SNTG1: variants seen among roughly 807,000 people sequenced by gnomAD.
SNTG1 encodes syntrophin gamma 1.
Under a neutral mutation model 74.7 loss-of-function variants are expected in SNTG1, and 39 were observed. That is an observed-to-expected ratio of 0.52 (90% confidence interval 0.40 to 0.68). The LOEUF is 0.68. SNTG1 is among the 30% of genes least tolerant of loss of function. SNTG1 has a pLI of 0.00. For missense variants in SNTG1, 685 were observed against 609.5 expected (o/e 1.12, Z -1.30); for synonymous variants, 254 against 217.1 (o/e 1.17, Z -1.49).
At chr8:50,053,734 A>G (rs1819784405) in intron 1 of SNTG1, among the ~76,000 whole-genome samples, 1 of 150,772 alleles carries the variant, frequency 6.6e-6, no homozygotes, top group Admixed American at 6.6e-5. Flanking sequence ...TAACACATGA[A>G]CTTGTTCAAT....
intron 13 of SNTG1, among the ~76,000 whole-genome samples, chr8:50,598,547 G>C (rs911796521): frequency 1.3e-5 from 2 of 151,762 alleles, no homozygotes; most frequent in Non-Finnish European, 2.9e-5. Flanking sequence ...GTTCAAGATG[G>C]CTTTGACTAC....
At chr8:50,261,973 T>C (rs1203325795) in intron 2 of SNTG1, among the ~76,000 whole-genome samples, 2 of 152,242 alleles carry the variant, frequency 1.3e-5, no homozygotes, top group Non-Finnish European at 2.9e-5. Flanking sequence ...TATTAAAATA[T>C]AGAGAATTTG....
chr8:49,994,421 ATT>A (rs35821274), intron 1 of SNTG1, among the ~76,000 whole-genome samples: 2 of 135,112 alleles, frequency 1.5e-5, no homozygotes, highest in Non-Finnish European at 3.1e-5. Flanking sequence ...ATGCCCGGCT[ATT>A]TTTTTTTTTT....
chr8:50,025,470 C>A (rs1469642002), intron 1 of SNTG1, among the ~76,000 whole-genome samples: 4 of 152,042 alleles, frequency 2.6e-5, no homozygotes, highest in Admixed American at 6.6e-5. Flanking sequence ...GATGTGATAG[C>A]CACCAGGCAA....
At chr8:49,954,124 G>A (rs1809960750) in intron 1 of SNTG1, among the ~76,000 whole-genome samples, 2 of 152,170 alleles carry the variant, frequency 1.3e-5, no homozygotes, top group Non-Finnish European at 2.9e-5. Flanking sequence ...TAGTCACTTA[G>A]CATCTATTTT....
At chr8:50,619,731 GAAAA>G (rs780234473) in intron 13 of SNTG1, among the ~76,000 whole-genome samples, 1 of 63,850 alleles carries the variant, frequency 1.6e-5, no homozygotes, top group Non-Finnish European at 3.2e-5. Flanking sequence ...ACTCCGTCTC[GAAAA>G]AAAAAAAAAA....
At chr8:50,597,330 CAT>C (rs529278432) in intron 13 of SNTG1, among the ~76,000 whole-genome samples, 5 of 146,308 alleles carry the variant, frequency 3.4e-5, no homozygotes, top group East Asian at 4.0e-4. Context: ...TATATATACA[CAT>C]ATATATACAT....
intron 18 of SNTG1, among the ~76,000 whole-genome samples, chr8:50,757,693 T>C (rs1415099372): frequency 1.3e-5 from 2 of 151,968 alleles, no homozygotes; most frequent in Non-Finnish European, 2.9e-5. Flanking sequence ...TTGATACAGT[T>C]GGATGAATAT....
intron 2 of SNTG1, among the ~76,000 whole-genome samples, chr8:50,306,755 C>A (rs1162099473): frequency 6.6e-6 from 1 of 150,756 alleles, no homozygotes; most frequent in Non-Finnish European, 1.5e-5. Context: ...TTTCTGATTT[C>A]TTTGAGTTCC....
intron 1 of SNTG1, among the ~76,000 whole-genome samples, chr8:50,064,031 G>A (rs934840597): frequency 6.6e-6 from 1 of 152,138 alleles, no homozygotes; most frequent in African/African-American, 2.4e-5. Context: ...ACCTTGTCAT[G>A]ACTCTGTCTT....
intron 15 of SNTG1, among the ~76,000 whole-genome samples, chr8:50,686,066 A>G (rs891906959): frequency 1.3e-5 from 2 of 152,174 alleles, no homozygotes; most frequent in South Asian, 2.1e-4. Context: ...AAATGTTACA[A>G]TTATTAGTCA....
intron 15 of SNTG1, among the ~76,000 whole-genome samples, chr8:50,660,532 A>G (rs541561571): frequency 1.6e-5 from 2 of 122,908 alleles, no homozygotes; most frequent in African/African-American, 4.3e-5. Flanking sequence ...AGGGAGAAGG[A>G]AGGAAGGAAA....
intron 1 of SNTG1, among the ~76,000 whole-genome samples, chr8:50,134,118 CTA>C (rs1259442961): frequency 6.6e-6 from 1 of 152,102 alleles, no homozygotes; most frequent in African/African-American, 2.4e-5. Context: ...GGAACTCAAT[CTA>C]TGGTGGTGGG....
intron 2 of SNTG1, among the ~76,000 whole-genome samples, chr8:50,261,171 C>G (rs1312169611): frequency 2.0e-5 from 3 of 152,196 alleles, no homozygotes; most frequent in Non-Finnish European, 4.4e-5. Flanking sequence ...GGGTGACAAC[C>G]TTATCTGCAG....
intron 17 of SNTG1, among the ~76,000 whole-genome samples, chr8:50,715,823 G>A (rs1418104041): frequency 2.0e-5 from 3 of 152,000 alleles, no homozygotes; most frequent in Non-Finnish European, 4.4e-5. Flanking sequence ...AAAATTAGAG[G>A]ACTTAATTAT....
chr8:50,706,487 A>G (rs1451965527), intron 16 of SNTG1, among the ~76,000 whole-genome samples: 2 of 152,074 alleles, frequency 1.3e-5, no homozygotes, highest in African/African-American at 4.8e-5. Context: ...TTTGGTTCCA[A>G]TTTAGTATTT....
At chr8:50,115,567 C>CAAAAAAAAAAAAAA (rs11386539) in intron 1 of SNTG1, among the ~76,000 whole-genome samples, 1 of 40,520 alleles carries the variant, frequency 2.5e-5, no homozygotes, top group African/African-American at 6.7e-5. Flanking sequence ...GACTCTGTCT[C>CAAAAAAAAAAAAAA]AAAAAAAAAA....
chr8:50,206,763 T>A (rs1022643215), intron 2 of SNTG1, among the ~76,000 whole-genome samples: 30 of 151,678 alleles, frequency 2.0e-4, no homozygotes, highest in Non-Finnish European at 3.2e-4. Context: ...TTATTGAGAG[T>A]TTTTAGCATG....
At chr8:50,232,538 A>G (rs1328182970) in intron 2 of SNTG1, among the ~76,000 whole-genome samples, 1 of 151,450 alleles carries the variant, frequency 6.6e-6, no homozygotes, top group Admixed American at 6.6e-5. Context: ...ACAAGGCAAG[A>G]TGTTTACTCT....
Sources: gnomAD v4.1 joint callset for allele counts (sites outside exome capture counted in the v4.1 genomes callset) on GRCh38, gnomAD v4.1.1 for gene constraint, MANE v1.5 for transcripts, NCBI Gene and HGNC (gene_info 2026-07-23, HGNC 2026-07-21) for gene names.